FOXP1: variants seen among roughly 807,000 people sequenced by gnomAD.
The protein encoded by FOXP1 is forkhead box protein P1.
FOXP1 carries 15 observed loss-of-function variants against 98.2 expected under a neutral mutation model. The observed-to-expected ratio is 0.15, with a 90% CI of 0.10 to 0.24. FOXP1 has a LOEUF of 0.24. Among genes scored for constraint, FOXP1 ranks in the 10% least tolerant of loss-of-function variants. The pLI, the probability that FOXP1 is intolerant of heterozygous loss-of-function variation, is 1.00. For synonymous variants in FOXP1, 371 were observed against 314.5 expected (o/e 1.18, Z -1.90); for missense variants, 633 against 848.5 (o/e 0.75, Z 3.15).
At chr3:71,278,458 C>T (rs943745134) in intron 5 of FOXP1, among the ~76,000 whole-genome samples, 2 of 152,314 alleles carry the variant, frequency 1.3e-5, no homozygotes, top group Non-Finnish European at 1.5e-5. Context: ...GTGCTTAAAA[C>T]GGCCGGTCTC....
intron 7 of FOXP1, among the ~76,000 whole-genome samples, chr3:71,108,915 C>T (rs2057674831): frequency 6.6e-6 from 1 of 152,176 alleles, no homozygotes; most frequent in Non-Finnish European, 1.5e-5. Context: ...CATGCCCAGC[C>T]TGCTTTGGAA....
chr3:70,978,582 G>C (rs926023), intron 14 of FOXP1, among the ~76,000 whole-genome samples: 14,724 of 152,152 alleles, frequency 0.097, 1,468 homozygotes, highest in East Asian at 0.51. Flanking sequence ...CATGTGGCTA[G>C]TAGCTACCAT....
At chr3:71,541,210 C>T (rs1265057324) in intron 2 of FOXP1, among the ~76,000 whole-genome samples, 1 of 152,234 alleles carries the variant, frequency 6.6e-6, no homozygotes, top group Non-Finnish European at 1.5e-5. Context: ...CACCTATTTA[C>T]ACCTTTACCA....
Position 71,186,635 on chromosome 3 carries a change from C to T in FOXP1, c.180+11567G>A, listed in dbSNP as rs758677994. Among the ~76,000 whole-genome samples the T allele has an allele frequency of 1.2e-4, 18 of 152,264 alleles. 1 individual carries two copies. The highest frequency in any genetic ancestry group is 2.0e-4 in the Admixed American group (3 of 15,282). On this transcript the variant is annotated intron_variant, in intron 6 of 20. Transcript: ENST00000649528. ...CTGAGACAGGAGAATCTCTTGAACC[C>T]GGGAGGTGGAGGTTGCAGTGAGCTG...
intron 6 of FOXP1, among the ~76,000 whole-genome samples, chr3:71,165,678 T>C (rs1393908948): frequency 1.3e-5 from 2 of 151,950 alleles, no homozygotes; most frequent in Non-Finnish European, 2.9e-5. Flanking sequence ...GGGGGACAGG[T>C]GTCGATTTAA....
intron 13 of FOXP1, among the ~76,000 whole-genome samples, chr3:70,993,556 AT>A (rs1431598514): frequency 1.3e-5 from 2 of 152,194 alleles, no homozygotes; most frequent in African/African-American, 4.8e-5. Flanking sequence ...ATCCCTGCAA[AT>A]TATTTCTTTG....
At chr3:71,139,617 A>C (rs1175405820) in intron 6 of FOXP1, among the ~76,000 whole-genome samples, 2 of 151,930 alleles carry the variant, frequency 1.3e-5, no homozygotes, top group African/African-American at 4.8e-5. Flanking sequence ...TGGGAAATGA[A>C]CTCTTTCAAG....
intron 5 of FOXP1, among the ~76,000 whole-genome samples, chr3:71,284,951 T>C (rs368198474): frequency 1.3e-5 from 2 of 152,294 alleles, no homozygotes; most frequent in South Asian, 2.1e-4. Context: ...AATGAGATGG[T>C]TTTATATTTA....
At chr3:71,495,668 A>G (rs1177102479) in intron 2 of FOXP1, among the ~76,000 whole-genome samples, 2 of 152,250 alleles carry the variant, frequency 1.3e-5, no homozygotes, top group Non-Finnish European at 2.9e-5. Context: ...CAATATGTGG[A>G]TAAGAAAACT....
intron 3 of FOXP1, among the ~76,000 whole-genome samples, chr3:71,372,116 G>C (rs542433843): frequency 4.0e-4 from 60 of 151,212 alleles, no homozygotes; most frequent in African/African-American, 1.3e-3. Context: ...GGGTTCAAGC[G>C]ATTCTTCTGC....
intron 4 of FOXP1, among the ~76,000 whole-genome samples, chr3:71,350,797 C>T (rs1383517300): frequency 1.3e-5 from 2 of 152,166 alleles, no homozygotes; most frequent in Non-Finnish European, 2.9e-5. Flanking sequence ...TAGTACCCGA[C>T]GTGGTACATA....
At chr3:71,575,144 A>G (rs1408906822) in intron 2 of FOXP1, among the ~76,000 whole-genome samples, 4 of 152,184 alleles carry the variant, frequency 2.6e-5, no homozygotes, top group African/African-American at 7.2e-5. Context: ...TGTTGGGAAC[A>G]ACAGCTCTGC....
rs1553657848 is a variant in FOXP1 at position 70,967,700 on chromosome 3, G to GTTTTTT, written c.1723-1650_1723-1645dup. On this transcript the variant is annotated intron_variant, in intron 19 of 20. Coordinates refer to ENST00000649528, the MANE Select transcript of FOXP1 (RefSeq NM_001349338.3). ...CTACTATTATTTGTTTTTTTTTTTT[G>GTTTTTT]TTTTTTTTTGTTTTTTTTTTTTTTT... Among the ~76,000 whole-genome samples the GTTTTTT allele has an allele frequency of 3.8e-4, 24 of 63,622 alleles. 1 individual carries two copies. The highest frequency in any genetic ancestry group is 5.9e-4 in the Admixed American group (3 of 5,062). 41.7% of individuals were successfully genotyped at this position (63,622 alleles called of 152,430 possible).
chr3:70,971,709 T>G (rs555708686), intron 18 of FOXP1: 2 of 259,206 alleles, frequency 7.7e-6, no homozygotes, highest in African/African-American at 4.4e-5. Flanking sequence ...CCTTTTTACT[T>G]GGGGTGGGGA....
At chr3:71,205,811 G>T (rs1380314752) in intron 5 of FOXP1, among the ~76,000 whole-genome samples, 1 of 152,208 alleles carries the variant, frequency 6.6e-6, no homozygotes, top group Non-Finnish European at 1.5e-5. Context: ...GGCCAGTGGG[G>T]ATCATCTATA....
intron 4 of FOXP1, among the ~76,000 whole-genome samples, chr3:71,343,554 A>ATTTTTTTTTTTTTT (rs10658352): frequency 1.7e-5 from 2 of 116,414 alleles, no homozygotes; most frequent in Non-Finnish European, 3.3e-5. Context: ...TCTCAATTAG[A>ATTTTTTTTTTTTTT]TTTTTTTTTT....
intron 5 of FOXP1, among the ~76,000 whole-genome samples, chr3:71,233,144 C>A (rs1219489776): frequency 1.3e-5 from 2 of 150,728 alleles, no homozygotes; most frequent in Non-Finnish European, 3.0e-5. Context: ...GACCCTATCT[C>A]CCCAAGAAAG....
intron 12 of FOXP1, among the ~76,000 whole-genome samples, chr3:71,005,787 T>C (rs1216901123): frequency 1.3e-5 from 2 of 152,138 alleles, no homozygotes; most frequent in South Asian, 4.1e-4. Flanking sequence ...AGCGCTTCCT[T>C]TCTGCCTGTG....
chr3:71,196,852 G>C (rs889064007), intron 6 of FOXP1, among the ~76,000 whole-genome samples: 1 of 152,172 alleles, frequency 6.6e-6, no homozygotes, highest in African/African-American at 2.4e-5. Flanking sequence ...AGGCACAAAT[G>C]GGTTTGGGCT....
Sources: allele counts gnomAD v4.1 joint callset (sites outside exome capture counted in the v4.1 genomes callset), GRCh38; gene constraint gnomAD v4.1.1; transcripts MANE v1.5; gene names NCBI Gene and HGNC (gene_info 2026-07-23, HGNC 2026-07-21).